ZNF438: variants seen among roughly 807,000 people sequenced by gnomAD.
ZNF438 encodes zinc finger protein 438.
ZNF438 carries 25 observed loss-of-function variants against 38.0 expected under a neutral mutation model. The ratio of observed to expected loss-of-function variants is 0.66; its 90% CI spans 0.48 to 0.92. The LOEUF (loss-of-function observed/expected upper bound fraction) is 0.92. Ranked by LOEUF, ZNF438 falls within the 40% of genes least tolerant of loss-of-function variation. The pLI is 0.00. For synonymous variants in ZNF438, 372 were observed against 364.1 expected (o/e 1.02, Z -0.25); for missense variants, 1,007 against 999.6 (o/e 1.01, Z -0.10).
intron 4 of ZNF438, among the ~76,000 whole-genome samples, chr10:30,862,203 G>A (rs77690337): frequency 0.026 from 3,956 of 152,264 alleles, 79 homozygotes; most frequent in Non-Finnish European, 0.039. Context: ...TGGGGCTGGT[G>A]AACATGGAAA....
intron 1 of ZNF438, among the ~76,000 whole-genome samples, chr10:30,947,364 T>A (rs1265116488): frequency 6.6e-6 from 1 of 152,270 alleles, no homozygotes; most frequent in Non-Finnish European, 1.5e-5. Context: ...TAGAGAACCA[T>A]AACAGAATCT....
intron 1 of ZNF438, among the ~76,000 whole-genome samples, chr10:30,965,426 A>G (rs1219894392): frequency 6.6e-6 from 1 of 152,074 alleles, no homozygotes; most frequent in Non-Finnish European, 1.5e-5. Context: ...CAGCAATCCC[A>G]TTTCCTAAAG....
chr10:30,858,011 C>T (rs1324899953), intron 4 of ZNF438, among the ~76,000 whole-genome samples: 1 of 152,210 alleles, frequency 6.6e-6, no homozygotes, highest in Non-Finnish European at 1.5e-5. Flanking sequence ...TAAAGTTGTT[C>T]AACCTCTTCT....
intron 4 of ZNF438, among the ~76,000 whole-genome samples, chr10:30,868,753 G>A (rs2036893509): frequency 6.6e-6 from 1 of 152,168 alleles, no homozygotes; most frequent in African/African-American, 2.4e-5. Context: ...ATGGTCTCAG[G>A]GGCAGATGTT....
At chr10:30,848,505 C>T (rs751461087) in intron 5 of ZNF438, 26 bp downstream of exon 6, 1 of 1,582,638 alleles carries the variant, frequency 6.3e-7, no homozygotes, top group Non-Finnish European at 8.6e-7. Context: ...ACTCTCTTGC[C>T]AGGTCTCCAT....
At chr10:30,884,298 AAC>A (rs1262310078) in intron 3 of ZNF438, among the ~76,000 whole-genome samples, 1 of 152,148 alleles carries the variant, frequency 6.6e-6, no homozygotes, top group Non-Finnish European at 1.5e-5. Flanking sequence ...AAATATACCT[AAC>A]ACTTATTAAA....
intron 3 of ZNF438, among the ~76,000 whole-genome samples, chr10:30,879,327 T>TA (rs2038902983): frequency 6.6e-6 from 1 of 152,242 alleles, no homozygotes; most frequent in Non-Finnish European, 1.5e-5. Flanking sequence ...ACGTAAATCT[T>TA]AAAGCAAGAC....
intron 3 of ZNF438, among the ~76,000 whole-genome samples, chr10:30,878,270 T>C (rs1588957545): frequency 6.6e-6 from 1 of 152,278 alleles, no homozygotes; most frequent in Admixed American, 6.5e-5. Flanking sequence ...GCACCCCCAT[T>C]CTGTGCCTCT....
intron 1 of ZNF438, among the ~76,000 whole-genome samples, chr10:31,026,484 G>A (rs2056951616): frequency 6.6e-6 from 1 of 152,188 alleles, no homozygotes; most frequent in Non-Finnish European, 1.5e-5. Flanking sequence ...ACAGACACAT[G>A]AAAAAATGCT....
chr10:30,857,810 T>C (rs965325294), intron 4 of ZNF438: 4 of 1,345,332 alleles, frequency 3.0e-6, no homozygotes, highest in Non-Finnish European at 3.9e-6. Flanking sequence ...TTAAAGGCAG[T>C]GGAGGAAAGA....
At chr10:31,012,328 T>TTA (rs1292602573) in intron 1 of ZNF438, among the ~76,000 whole-genome samples, 4 of 152,000 alleles carry the variant, frequency 2.6e-5, no homozygotes, top group African/African-American at 9.7e-5. Context: ...TTTCACAGTG[T>TTA]TAGCCAGGAT....
rs539605403 is a variant in ZNF438, at chr10:30,930,180, G to C, written c.-115+11395C>G. Among the ~76,000 whole-genome samples, 6 of 152,132 alleles carry C rather than the reference G, an allele frequency of 3.9e-5. No individual in the cohort carries two copies. The South Asian group carries it at 1.0e-3, about 26-fold the overall frequency. ...GGGCGGGGGTGGGGGGGGAGTGCGG[G>C]GCTCAGGCATGGTGGGTTGCAGGTC... On this transcript the variant is annotated intron_variant, in intron 2 of 5. Transcript: ENST00000413025.
intron 3 of ZNF438, among the ~76,000 whole-genome samples, chr10:30,895,173 C>T (rs1051836496): frequency 6.6e-6 from 1 of 152,150 alleles, no homozygotes; most frequent in Non-Finnish European, 1.5e-5. Flanking sequence ...ACTAGGTGTG[C>T]TTTCCTCTTC....
At chr10:31,005,617 T>A (rs1490377239) in intron 1 of ZNF438, among the ~76,000 whole-genome samples, 1 of 152,136 alleles carries the variant, frequency 6.6e-6, no homozygotes, top group Non-Finnish European at 1.5e-5. Context: ...AATACTGTAC[T>A]GTATTTGAGA....
chr10:30,877,422 T>C (rs1490249729), intron 3 of ZNF438, among the ~76,000 whole-genome samples: 1 of 152,232 alleles, frequency 6.6e-6, no homozygotes, highest in African/African-American at 2.4e-5. Context: ...GCTAACATGC[T>C]TAACAGTATA....
chr10:30,866,177 C>T lies in ZNF438; in HGVS notation c.37+10821G>A, dbSNP rs148136369. Among the ~76,000 whole-genome samples the T allele has an allele frequency of 2.1e-3, 319 of 152,228 alleles. 2 individuals carry two copies. The highest frequency in any genetic ancestry group is 7.5e-3 in the African/African-American group (312 of 41,520). ...CCTTTTTAATATTCTGTGATGAAAT[C>T]GTTCACAGTCAGAGTACATGTCTGC... On this transcript the variant is annotated intron_variant, in intron 4 of 5. Coordinates refer to ENST00000413025, the Ensembl canonical transcript of ZNF438.
chr10:31,019,765 A>C (rs908981201), intron 1 of ZNF438, among the ~76,000 whole-genome samples: 1 of 152,230 alleles, frequency 6.6e-6, no homozygotes, highest in Non-Finnish European at 1.5e-5. Context: ...TGCATATTGC[A>C]TGGCCCATAC....
At chr10:31,000,489 A>C (rs1265040808) in intron 1 of ZNF438, among the ~76,000 whole-genome samples, 2 of 152,190 alleles carry the variant, frequency 1.3e-5, no homozygotes, top group Non-Finnish European at 1.5e-5. Flanking sequence ...CTCTGATACC[A>C]AGTCTACATA....
At chr10:31,000,155 T>C (rs1183441900) in intron 1 of ZNF438, among the ~76,000 whole-genome samples, 1 of 152,206 alleles carries the variant, frequency 6.6e-6, no homozygotes, top group Non-Finnish European at 1.5e-5. Flanking sequence ...ACAATTTTTA[T>C]ACCTGAATGT....
Sources: gnomAD v4.1 joint callset for allele counts (sites outside exome capture counted in the v4.1 genomes callset) on GRCh38, gnomAD v4.1.1 for gene constraint, MANE v1.5 for transcripts, NCBI Gene and HGNC (gene_info 2026-07-23, HGNC 2026-07-21) for gene names.